The following SPINK5 variants were observed in gnomAD, a reference collection of about 807,000 sequenced individuals.
SPINK5 encodes serine peptidase inhibitor Kazal type 5, also known as serine protease inhibitor Kazal-type 5.
Under a neutral mutation model 151.8 loss-of-function variants are expected in SPINK5, and 125 were observed. The observed-to-expected ratio is 0.82, with a 90% CI of 0.71 to 0.96. The LOEUF is 0.96. SPINK5 is among the 40% of genes least tolerant of loss of function. The pLI is 0.00. For missense variants in SPINK5, 1,194 were observed against 1,291.9 expected (o/e 0.92, Z 1.16); for synonymous variants, 374 against 395.3 (o/e 0.95, Z 0.64).
rs987099295 is a variant in SPINK5 at position 148,111,842 on chromosome 5, G to A, written c.1767G>A (p.Glu589=). The change falls in exon 19 of 33, where the codon GAG becomes GAA. Residue 589 remains glutamate (E), a synonymous_variant. Transcript: ENST00000256084. Reference sequence around the variant, plus strand: ...GTACCAGAGAGAATGATCCTATTGAGGGTCTAGATGGGAAAATCCACGGCA... The same window carrying A: ...GTACCAGAGAGAATGATCCTATTGAAGGTCTAGATGGGAAAATCCACGGCA... ...LPCTRENDPI[E]GLDGKIHGNT... 2 of 1,614,052 alleles carry A rather than the reference G, an allele frequency of 1.2e-6. No homozygotes were observed. Among genetic ancestry groups the A allele is most frequent in the Non-Finnish European group, 8.5e-7 (1 of 1,179,948 alleles).
chr5:148,116,522 G>C, intron 22 of SPINK5, 56 bp downstream of exon 22: 1 of 1,511,716 alleles, frequency 6.6e-7, no homozygotes, highest in Non-Finnish European at 9.2e-7. Context: ...TTGACAATAG[G>C]ACTGTGAATA....
chr5:148,106,279 ACTTATTCT>A (rs1363272813), intron 16 of SPINK5, among the ~76,000 whole-genome samples: 2 of 151,706 alleles, frequency 1.3e-5, no homozygotes, highest in Non-Finnish European at 2.9e-5. Flanking sequence ...CAGGGATCAG[ACTTATTCT>A]CTTCTCTATG....
At position 148,091,211 on chromosome 5, in the gene SPINK5, C is replaced by A; in HGVS notation, c.649C>A (p.Arg217=). The change falls in exon 8 of 33, where the codon CGA becomes AGA. Residue 217 remains arginine, a synonymous_variant. Transcript: ENST00000256084. ...NAKREGETRI[R]RNAEKDFCKE... Reference sequence around the variant, plus strand: ...CAAGCGAGAGGGTGAAACTAGAATTCGACGAAATGCTGAAAAGGTAAAATG... The same window carrying A: ...CAAGCGAGAGGGTGAAACTAGAATTAGACGAAATGCTGAAAAGGTAAAATG... The A allele has an allele frequency of 6.2e-7, 1 of 1,611,202 alleles. No individual in the cohort carries two copies. The highest frequency in any genetic ancestry group is 8.5e-7 in the Non-Finnish European group (1 of 1,178,476).
Position 148,129,096 on chromosome 5 carries a change from G to A in SPINK5, c.2964+2017G>A, listed in dbSNP as rs140298123. Among the ~76,000 whole-genome samples the A allele has an allele frequency of 2.7e-4, 41 of 152,240 alleles. 1 individual carries two copies. In the East Asian group the frequency reaches 7.7e-3, roughly 29 times the overall value. ...AGACCTAAGGGTATTGATTCTGTAG[G>A]TATATCTGAGGAGAACATATTCCAG... On this transcript the variant is annotated intron_variant, in intron 30 of 32. Transcript: ENST00000256084.
rs762624618 is a variant in SPINK5 at position 148,118,462 on chromosome 5, A to T, written c.2138A>T (p.Gln713Leu). ...TQDECAEYRE[Q>L]MKNGRLSCTR... is the part of the protein sequence containing the mutation. Reference sequence around the variant, plus strand: ...GACGAATGTGCTGAGTATCGGGAACAAATGAAAAATGGAAGACTCAGCTGT... The same window carrying T: ...GACGAATGTGCTGAGTATCGGGAACTAATGAAAAATGGAAGACTCAGCTGT... Residue 713 changes from glutamine (Q) to leucine (L), a missense_variant, in exon 23 of 33, where the codon CAA (glutamine) becomes CTA (leucine). Physicochemically the swap from Gln to Leu is moderately radical, Grantham distance 113 (BLOSUM62 -2). Transcript: ENST00000256084. The T allele has an allele frequency of 2.5e-5, 41 of 1,614,178 alleles. No individual in the cohort carries two copies. The Middle Eastern group carries it at 8.2e-4, about 32-fold the overall frequency.
chr5:148,069,812 A>C (rs1041830604), intron 2 of SPINK5, among the ~76,000 whole-genome samples: 13 of 152,098 alleles, frequency 8.5e-5, no homozygotes, highest in African/African-American at 3.1e-4. Context: ...CAGAAAATAA[A>C]CCAGTCTAGA....
intron 26 of SPINK5, 104 bp downstream of exon 26, chr5:148,120,495 G>A (rs1178550180): frequency 7.3e-7 from 1 of 1,374,100 alleles, no homozygotes; most frequent in Non-Finnish European, 1.0e-6. Context: ...CCAATCATTG[G>A]TGATATAACG....
intron 13 of SPINK5, among the ~76,000 whole-genome samples, 179 bp downstream of exon 13, chr5:148,100,760 A>G (rs770050707): frequency 1.3e-5 from 2 of 152,182 alleles, no homozygotes; most frequent in Non-Finnish European, 2.9e-5. Context: ...GATTGTCAAG[A>G]CTTCACACTT....
chr5:148,121,650 TAAAA>T (rs922630510), intron 26 of SPINK5, among the ~76,000 whole-genome samples: 45 of 102,996 alleles, frequency 4.4e-4, no homozygotes, highest in Non-Finnish European at 7.9e-4. Context: ...AAATACTGAG[TAAAA>T]AAAAAATAAA....
chr5:148,081,837 T>C (rs572187508), intron 4 of SPINK5, among the ~76,000 whole-genome samples: 1 of 151,912 alleles, frequency 6.6e-6, no homozygotes, highest in South Asian at 2.1e-4. Context: ...GAATGATTTG[T>C]ACATTACTAT....
intron 19 of SPINK5, among the ~76,000 whole-genome samples, chr5:148,112,489 A>G (rs1753963722): frequency 6.6e-6 from 1 of 152,152 alleles, no homozygotes; most frequent in African/African-American, 2.4e-5. Flanking sequence ...CCTGGCCAAC[A>G]TGGTGAAACC....
At chr5:148,117,032 C>T (rs560252816) in intron 22 of SPINK5, among the ~76,000 whole-genome samples, 2 of 152,308 alleles carry the variant, frequency 1.3e-5, no homozygotes, top group South Asian at 2.1e-4. Context: ...TTTCTTGAGG[C>T]ATTTTTAAGT....
At chr5:148,123,792 T>A (rs747420294) in intron 26 of SPINK5, 41 bp from the exon 27 acceptor site, 40 of 1,613,266 alleles carry the variant, frequency 2.5e-5, no homozygotes, top group Admixed American at 1.0e-4. Flanking sequence ...TTTGAAAGAT[T>A]ATACCATGAC....
chr5:148,100,555 C>T lies in SPINK5; in HGVS notation c.1194C>T (p.Asn398=), dbSNP rs750608792. The T allele has an allele frequency of 6.8e-6, 11 of 1,613,112 alleles. No homozygotes were observed. The highest frequency in any genetic ancestry group is 1.3e-5 in the African/African-American group (1 of 74,864). ...IQGPDGKVHG[N]TCSMCEVFFQ... Reference sequence around the variant, plus strand: ...GCCCAGATGGGAAAGTGCATGGCAACACCTGCTCCATGTGTGAGGTCTTCT... The same window carrying T: ...GCCCAGATGGGAAAGTGCATGGCAATACCTGCTCCATGTGTGAGGTCTTCT... The change falls in exon 13 of 33, where the codon AAC becomes AAT. Residue 398 remains asparagine (N), a synonymous_variant. Transcript: ENST00000256084.
chr5:148,115,823 C>CT (rs567120637), intron 21 of SPINK5, among the ~76,000 whole-genome samples: 259 of 139,724 alleles, frequency 1.9e-3, no homozygotes, highest in East Asian at 5.5e-3. Flanking sequence ...CTCACCTTGT[C>CT]TTTTTTTTTT....
intron 26 of SPINK5, among the ~76,000 whole-genome samples, chr5:148,123,454 T>TATATATATAA (rs1754336016): frequency 2.1e-5 from 3 of 142,136 alleles, no homozygotes; most frequent in East Asian, 2.0e-4. Context: ...TCTATATATA[T>TATATATATAA]AATCTTGTTA....
chr5:148,092,286 T>C (rs558319270), intron 8 of SPINK5, among the ~76,000 whole-genome samples: 1 of 151,930 alleles, frequency 6.6e-6, no homozygotes, highest in Non-Finnish European at 1.5e-5. Flanking sequence ...GCTCTCAACC[T>C]AAATAGGGTA....
chr5:148,099,688 C>T (rs1978446), intron 12 of SPINK5, among the ~76,000 whole-genome samples: 15 of 151,704 alleles, frequency 9.9e-5, no homozygotes, highest in African/African-American at 2.9e-4. Flanking sequence ...CCCCCACCAA[C>T]GCATGATTTT....
In SPINK5 at chr5:148,126,937, T is replaced by C. The variant is rs1276632543; in HGVS notation, c.2868-46T>C. The C allele has an allele frequency of 6.1e-6, 9 of 1,464,140 alleles. No individual in the cohort carries two copies. In the Admixed American group the frequency reaches 7.8e-5, roughly 13 times the overall value. The allele number at this position is 1,464,140 out of a possible 1,614,324, so 90.7% of individuals were successfully genotyped here. A position where few individuals can be genotyped will look rare whatever the true frequency, so the allele number is the denominator to read the frequency against. On this transcript the variant is annotated intron_variant, in intron 29 of 32. Transcript: ENST00000256084. Reference sequence around the variant, plus strand: ...TTGCTTAACTTCTCACTGGAAGTTATAGGAACTGTTTCTTATTTTAAATTA... The same window carrying C: ...TTGCTTAACTTCTCACTGGAAGTTACAGGAACTGTTTCTTATTTTAAATTA...
Sources: gnomAD v4.1 joint callset for allele counts (sites outside exome capture counted in the v4.1 genomes callset) on GRCh38, gnomAD v4.1.1 for gene constraint, MANE v1.5 for transcripts, NCBI Gene and HGNC (gene_info 2026-07-23, HGNC 2026-07-21) for gene names.